Variants in UNC13C observed in about 807,000 individuals in gnomAD.
UNC13C encodes the protein unc-13 homolog C, also known as protein unc-13 homolog C.
UNC13C carries 174 observed loss-of-function variants against 245.4 expected under a neutral mutation model. The observed-to-expected ratio is 0.71, with a 90% CI of 0.63 to 0.80. UNC13C has a LOEUF of 0.80. Among genes scored for constraint, UNC13C ranks in the 30% least tolerant of loss-of-function variants. The pLI, the probability that UNC13C is intolerant of heterozygous loss-of-function variation, is 0.00. For synonymous variants in UNC13C, 992 were observed against 895.1 expected (o/e 1.11, Z -1.93); for missense variants, 2,829 against 2,602.9 (o/e 1.09, Z -1.89).
intron 19 of UNC13C, among the ~76,000 whole-genome samples, chr15:54,481,583 G>T (rs992084158): frequency 6.6e-6 from 1 of 152,116 alleles, no homozygotes; most frequent in Non-Finnish European, 1.5e-5. Flanking sequence ...CTTTCAGGGC[G>T]CAATATAGTC....
At chr15:54,157,895 A>G (rs2032818036) in intron 4 of UNC13C, among the ~76,000 whole-genome samples, 1 of 152,234 alleles carries the variant, frequency 6.6e-6, no homozygotes, top group Non-Finnish European at 1.5e-5. Context: ...CTGGCTAGCC[A>G]TATGTAGAAA....
In UNC13C at chr15:54,186,836, A is replaced by ATATATATATATATAT. The variant is rs1567079825; in HGVS notation, c.3071+43152_3071+43153insTATATATATATATAT. On this transcript the variant is annotated intron_variant, in intron 4 of 32. Transcript: ENST00000260323. ...GTCCACTGACACATACAAAGAACAT[A>ATATATATATATATAT]ATATATATGTATATATATATTTTGT... Among the ~76,000 whole-genome samples, 18 of 126,142 alleles carry ATATATATATATATAT rather than the reference A, an allele frequency of 1.4e-4. 2 individuals carry two copies. Among genetic ancestry groups the ATATATATATATATAT allele is most frequent in the Non-Finnish European group, 2.7e-4 (16 of 59,632 alleles). 82.8% of individuals were successfully genotyped at this position (126,142 alleles called of 152,430 possible). A position where few individuals can be genotyped will look rare whatever the true frequency, so the allele number is the denominator to read the frequency against.
chr15:54,167,602 G>GAAAAAAAAAAAAAAAAAAAAAAAAA (rs35210236), intron 4 of UNC13C, among the ~76,000 whole-genome samples: 1 of 63,574 alleles, frequency 1.6e-5, no homozygotes, highest in Non-Finnish European at 2.9e-5. Flanking sequence ...ATCCAAATAG[G>GAAAAAAAAAAAAAAAAAAAAAAAAA]AAAAAAAAAA....
chr15:54,494,768 T>TTA, intron 20 of UNC13C, 34 bp downstream of exon 20: 1 of 1,598,410 alleles, frequency 6.3e-7, no homozygotes, highest in Non-Finnish European at 8.5e-7. Context: ...CACCCTCAGA[T>TTA]CTAAATTCAC....
chr15:54,303,518 A>G (rs993102548), intron 13 of UNC13C, among the ~76,000 whole-genome samples: 2 of 152,178 alleles, frequency 1.3e-5, no homozygotes, highest in Non-Finnish European at 2.9e-5. Context: ...AATGGTAAGT[A>G]TGTATCACAT....
At chr15:54,112,984 G>A (rs112173001) in intron 2 of UNC13C, among the ~76,000 whole-genome samples, 26 of 152,288 alleles carry the variant, frequency 1.7e-4, no homozygotes, top group African/African-American at 6.3e-4. Flanking sequence ...AAGCAACAGG[G>A]TTGCAAATAG....
In UNC13C at chr15:54,412,206, A is replaced by G. The variant is rs570795149; in HGVS notation, c.4848-2776A>G. Among the ~76,000 whole-genome samples, 28 of 147,912 alleles carry G rather than the reference A, an allele frequency of 1.9e-4. No homozygotes were observed. The East Asian group carries it at 3.4e-3, about 18-fold the overall frequency. The stretch of plus-strand genomic sequence containing the variant: ...GGGTGACAGAGTGAGACTTCATCTG[A>G]AAAAAAAAACAAAAAAAGTGCCCGA... On this transcript the variant is annotated intron_variant, in intron 18 of 32. Coordinates refer to ENST00000260323, the MANE Select transcript of UNC13C (RefSeq NM_001080534.3).
At chr15:54,136,396 T>A (rs1404705784) in intron 2 of UNC13C, among the ~76,000 whole-genome samples, 1 of 152,136 alleles carries the variant, frequency 6.6e-6, no homozygotes, top group Non-Finnish European at 1.5e-5. Flanking sequence ...TAGTGTATAG[T>A]TTTTTTATCA....
At chr15:54,306,410 C>G (rs1035668230) in intron 13 of UNC13C, among the ~76,000 whole-genome samples, 3 of 151,942 alleles carry the variant, frequency 2.0e-5, no homozygotes, top group Non-Finnish European at 2.9e-5. Flanking sequence ...AGGCTGTTCC[C>G]CTTCTCTAAG....
intron 17 of UNC13C, among the ~76,000 whole-genome samples, chr15:54,367,090 T>C (rs184848975): frequency 5.9e-5 from 9 of 152,304 alleles, no homozygotes; most frequent in Admixed American, 5.9e-4. Flanking sequence ...ATTTATTAAT[T>C]TAAATCTATT....
intron 2 of UNC13C, among the ~76,000 whole-genome samples, chr15:54,093,484 T>C (rs1899680154): frequency 6.6e-6 from 1 of 152,244 alleles, no homozygotes; most frequent in African/African-American, 2.4e-5. Context: ...AATTATAATC[T>C]TTGTCAAACT....
chr15:54,097,225 T>G (rs1595850032), intron 2 of UNC13C, among the ~76,000 whole-genome samples: 1 of 152,356 alleles, frequency 6.6e-6, no homozygotes, highest in Middle Eastern at 3.4e-3. Context: ...CTGCTCCTTC[T>G]TTCAAGTTTA....
intron 4 of UNC13C, among the ~76,000 whole-genome samples, chr15:54,180,322 A>G (rs1383942625): frequency 1.3e-5 from 2 of 152,192 alleles, no homozygotes; most frequent in East Asian, 3.9e-4. Flanking sequence ...ATGCTGCTAC[A>G]AAGGACATGA....
At chr15:54,083,809 G>A (rs1289295304) in intron 2 of UNC13C, among the ~76,000 whole-genome samples, 1 of 152,144 alleles carries the variant, frequency 6.6e-6, no homozygotes, top group Non-Finnish European at 1.5e-5. Flanking sequence ...TGTTTGCTGG[G>A]GATCTGCTGG....
intron 10 of UNC13C, among the ~76,000 whole-genome samples, chr15:54,265,862 G>A (rs74013570): frequency 0.025 from 3,821 of 151,914 alleles, 158 homozygotes; most frequent in African/African-American, 0.088. Flanking sequence ...TATATCTAAA[G>A]CCAGTAGACT....
At chr15:54,571,440 T>C (rs1897752830) in intron 30 of UNC13C, among the ~76,000 whole-genome samples, 1 of 152,150 alleles carries the variant, frequency 6.6e-6, no homozygotes, top group African/African-American at 2.4e-5. Context: ...TCCCATGACG[T>C]GTGGGAATTA....
intron 28 of UNC13C, among the ~76,000 whole-genome samples, chr15:54,553,027 C>T (rs1442503081): frequency 3.3e-5 from 3 of 92,240 alleles, no homozygotes; most frequent in Admixed American, 1.7e-4. Flanking sequence ...TTCTATATTA[C>T]AATATATAAT....
intron 31 of UNC13C, 92 bp from the exon 32 acceptor site, chr15:54,623,703 T>C: frequency 8.6e-7 from 1 of 1,157,392 alleles, no homozygotes; most frequent in Middle Eastern, 2.0e-4. Context: ...AGGGCACTAT[T>C]ATTAAGTTTT....
intron 17 of UNC13C, among the ~76,000 whole-genome samples, chr15:54,388,211 C>T (rs559996656): frequency 2.6e-5 from 4 of 152,220 alleles, no homozygotes; most frequent in African/African-American, 9.6e-5. Flanking sequence ...TTCCTTCCTC[C>T]AGACCAAAAT....
Sources: allele counts gnomAD v4.1 joint callset (sites outside exome capture counted in the v4.1 genomes callset), GRCh38; gene constraint gnomAD v4.1.1; transcripts MANE v1.5; gene names NCBI Gene and HGNC (gene_info 2026-07-23, HGNC 2026-07-21).